FTCDNL1: variants seen among roughly 807,000 people sequenced by gnomAD.
The protein encoded by FTCDNL1 is formiminotransferase cyclodeaminase N-terminal like, also known as formiminotransferase N-terminal subdomain-containing protein.
A neutral mutation model predicts 5.9 loss-of-function variants in FTCDNL1; 11 were observed. That is an observed-to-expected ratio of 1.87 (90% CI 1.18 to 3.10). FTCDNL1 has a LOEUF of 3.10. Among genes scored for constraint, FTCDNL1 ranks in the 30% most tolerant of loss-of-function variants. The probability of loss-of-function intolerance (pLI) is 0.00; values close to 1 mark genes in which losing one functional copy is unlikely to be tolerated. For missense variants in FTCDNL1, 115 were observed against 65.5 expected (o/e 1.76, Z -2.61); for synonymous variants, 58 against 24.8 (o/e 2.34, Z -3.99).
downstream of FTCDNL1, among the ~76,000 whole-genome samples, chr2:199,756,627 G>A (rs553419548): frequency 9.8e-5 from 15 of 152,310 alleles, no homozygotes; most frequent in East Asian, 2.9e-3. Context: ...GTTCTACTAT[G>A]TAGTCTCAAT....
chr2:199,725,105 T>C, the FTCDNL1 span, among the ~76,000 whole-genome samples: 3,571 of 152,316 alleles, frequency 0.023, 144 homozygotes, highest in African/African-American at 0.08. Flanking sequence ...TTAGCTCTTC[T>C]TGTTGAATTG....
chr2:199,720,666 C>A, the FTCDNL1 span, among the ~76,000 whole-genome samples: 1 of 152,176 alleles, frequency 6.6e-6, no homozygotes, highest in East Asian at 1.9e-4. Flanking sequence ...TATAAGGACA[C>A]TTGCCGTTGG....
intron 3 of FTCDNL1, among the ~76,000 whole-genome samples, chr2:199,843,440 C>G (rs1380268061): frequency 6.6e-6 from 1 of 152,170 alleles, no homozygotes; most frequent in Non-Finnish European, 1.5e-5. Context: ...CCCACCCCCC[C>G]ATGCTGAATT....
At chr2:199,799,558 A>G (rs1700341006) in intron 3 of FTCDNL1, among the ~76,000 whole-genome samples, 1 of 152,252 alleles carries the variant, frequency 6.6e-6, no homozygotes, top group African/African-American at 2.4e-5. Context: ...CGAAGTGAAG[A>G]GTACAAGAGA....
At chr2:199,828,836 T>C (rs1299401342) in intron 3 of FTCDNL1, among the ~76,000 whole-genome samples, 1 of 152,224 alleles carries the variant, frequency 6.6e-6, no homozygotes, top group African/African-American at 2.4e-5. Context: ...ACCTGGAATA[T>C]CAGTGTCCAT....
At chr2:199,832,332 T>A (rs1432524998) in intron 3 of FTCDNL1, among the ~76,000 whole-genome samples, 1 of 152,190 alleles carries the variant, frequency 6.6e-6, no homozygotes, top group East Asian at 1.9e-4. Context: ...AGTTATTTCA[T>A]GGACTCAGTT....
chr2:199,816,205 AT>A (rs1701344014), intron 4 of FTCDNL1, among the ~76,000 whole-genome samples: 1 of 152,176 alleles, frequency 6.6e-6, no homozygotes, highest in Admixed American at 6.5e-5. Flanking sequence ...TTTTTCTGCT[AT>A]TAGCACCTGC....
At chr2:199,776,958 ATGTGTGTGTGTGTGTGTGTGTGTG>A (rs56145074) in intron 3 of FTCDNL1, among the ~76,000 whole-genome samples, 3 of 136,212 alleles carry the variant, frequency 2.2e-5, no homozygotes, top group Non-Finnish European at 3.2e-5. Context: ...ATGTGTGTAT[ATGTGTGTGTGTGTGTGTGTGTGTG>A]TGTGTGTGTG....
chr2:199,843,948 A>G (rs2076660146), intron 3 of FTCDNL1, among the ~76,000 whole-genome samples: 1 of 104,002 alleles, frequency 9.6e-6, no homozygotes. Flanking sequence ...CACAGGGAAA[A>G]AAGGAAAAAA....
intron 3 of FTCDNL1, among the ~76,000 whole-genome samples, chr2:199,834,172 C>A (rs892095835): frequency 1.1e-4 from 17 of 152,010 alleles, no homozygotes; most frequent in Non-Finnish European, 4.4e-5. Context: ...GGGACACAGA[C>A]AATATACAGA....
chr2:199,750,717 C>T, the FTCDNL1 span, among the ~76,000 whole-genome samples: 64 of 152,332 alleles, frequency 4.2e-4, no homozygotes, highest in African/African-American at 1.5e-3. Context: ...TGGCTTTCCA[C>T]CGGGCGGACT....
the FTCDNL1 span, among the ~76,000 whole-genome samples, chr2:199,674,682 CTTTAT>C: frequency 1.3e-5 from 2 of 152,150 alleles, no homozygotes; most frequent in African/African-American, 2.4e-5. Context: ...CATATGCACA[CTTTAT>C]TTTGTCAAAA....
the FTCDNL1 span, among the ~76,000 whole-genome samples, chr2:199,738,934 T>C: frequency 7.2e-5 from 11 of 152,204 alleles, no homozygotes. Flanking sequence ...AAACACACCA[T>C]TCTCATGTAT....
At chr2:199,681,644 C>T in the FTCDNL1 span, among the ~76,000 whole-genome samples, 1 of 152,046 alleles carries the variant, frequency 6.6e-6, no homozygotes, top group African/African-American at 2.4e-5. Flanking sequence ...ATGTTTCTCC[C>T]GTCGGAGAAA....
At chr2:199,802,455 G>A (rs1700506265) in intron 3 of FTCDNL1, among the ~76,000 whole-genome samples, 1 of 152,196 alleles carries the variant, frequency 6.6e-6, no homozygotes, top group Non-Finnish European at 1.5e-5. Flanking sequence ...AAAATGTAGG[G>A]ATGTGAATTA....
chr2:199,818,518 C>A (rs958734739), intron 4 of FTCDNL1: 1 of 151,888 alleles, frequency 6.6e-6, no homozygotes, highest in South Asian at 2.1e-4. Flanking sequence ...GGAACCAAAG[C>A]ATAATGAGAC....
At chr2:199,748,185 T>C in the FTCDNL1 span, among the ~76,000 whole-genome samples, 1 of 152,150 alleles carries the variant, frequency 6.6e-6, no homozygotes, top group Non-Finnish European at 1.5e-5. Flanking sequence ...ATATACTCCA[T>C]ATAAGAAAAG....
At chr2:199,819,393 C>T (rs769592696) in intron 4 of FTCDNL1, 179 bp downstream of exon 4, 1 of 590,742 alleles carries the variant, frequency 1.7e-6, no homozygotes, top group Non-Finnish European at 3.0e-6. Context: ...AGCTTCTAGG[C>T]TCACAGGTTA....
chr2:199,844,888 T>C (rs2076687948), intron 3 of FTCDNL1, among the ~76,000 whole-genome samples: 1 of 152,130 alleles, frequency 6.6e-6, no homozygotes, highest in Non-Finnish European at 1.5e-5. Context: ...AGTAATTATA[T>C]TAAAATAGAT....
Sources: allele counts gnomAD v4.1 joint callset (sites outside exome capture counted in the v4.1 genomes callset), GRCh38; gene constraint gnomAD v4.1.1; transcripts MANE v1.5; gene names NCBI Gene and HGNC (gene_info 2026-07-23, HGNC 2026-07-21).